Variants in NFASC observed in about 807,000 individuals in gnomAD.
The protein encoded by NFASC is neurofascin.
NFASC carries 43 observed loss-of-function variants against 147.5 expected under a neutral mutation model. That is an observed-to-expected ratio of 0.29 (90% CI 0.23 to 0.38). The LOEUF is 0.38. Ranked by LOEUF, NFASC falls within the 10% of genes least tolerant of loss-of-function variation. The pLI, the probability that NFASC is intolerant of heterozygous loss-of-function variation, is 1.00. For synonymous variants in NFASC, 622 were observed against 665.5 expected, an observed-to-expected ratio of 0.93 and a Z score of 1.01; for missense variants, 1,320 against 1,689.0, an observed-to-expected ratio of 0.78 and a Z score of 3.83.
At chr1:204,907,587 T>C (rs189531481) in intron 1 of NFASC, among the ~76,000 whole-genome samples, 23 of 152,350 alleles carry the variant, frequency 1.5e-4, no homozygotes, top group African/African-American at 4.6e-4. Flanking sequence ...GCTCTCTGCA[T>C]TGCTTACTGT....
At position 204,863,950 on chromosome 1, in the gene NFASC, GAGAA is replaced by G. The variant is rs199543990; in HGVS notation, c.-200+35180_-200+35183del. On this transcript the variant is annotated intron_variant, in intron 1 of 29. Coordinates refer to ENST00000339876, the MANE Select transcript of NFASC (RefSeq NM_001005388.3). Reference sequence around the variant, plus strand: ...GGAGGAAGAAAGAGAGAGAGAAAGAGAGAAAGAAAGAAAGAGAAAGAAAAGAAAG... The same window carrying G: ...GGAGGAAGAAAGAGAGAGAGAAAGAGAGAAAGAAAGAGAAAGAAAAGAAAG... 4.4e-3 allele frequency among the ~76,000 whole-genome samples: 655 copies of G among 150,062 alleles called. 6 individuals carry two copies. The highest frequency in any genetic ancestry group is 0.038 in the East Asian group (193 of 5,122).
At chr1:204,930,413 A>G (rs891853417) in intron 2 of NFASC, among the ~76,000 whole-genome samples, 2 of 152,186 alleles carry the variant, frequency 1.3e-5, no homozygotes, top group African/African-American at 2.4e-5. Flanking sequence ...ATCCCGTGTT[A>G]TAGCAACCAA....
At chr1:204,843,626 TCCTCCCTCCCTCCCTC>T (rs796875779) in intron 1 of NFASC, among the ~76,000 whole-genome samples, 1 of 78,074 alleles carries the variant, frequency 1.3e-5, no homozygotes, top group Non-Finnish European at 2.5e-5. Flanking sequence ...CTTCCTTCCT[TCCTCCCTCCCTCCCTC>T]CCTCCCTCCC....
chr1:205,008,017 C>T (rs2096164861), intron 27 of NFASC, among the ~76,000 whole-genome samples: 1 of 152,182 alleles, frequency 6.6e-6, no homozygotes, highest in Non-Finnish European at 1.5e-5. Flanking sequence ...ACTCACAAGC[C>T]TTGTTCTCGC....
Position 204,984,774 on chromosome 1 carries a change from C to G in NFASC, c.2471-2644C>G, listed in dbSNP as rs138199396. On this transcript the variant is annotated intron_variant, in intron 21 of 29. Transcript: ENST00000339876. ...GAGCAGTTTCTGCTCTATCATCCAT[C>G]CTCTTCAAAAGGGTGAGCTCAGATG... Among the ~76,000 whole-genome samples the G allele has an allele frequency of 8.0e-4, 122 of 152,248 alleles. No homozygotes were observed. The Middle Eastern group carries it at 0.014, about 17-fold the overall frequency.
intron 1 of NFASC, among the ~76,000 whole-genome samples, chr1:204,891,430 A>G (rs1307113605): frequency 1.3e-5 from 2 of 152,160 alleles, no homozygotes; most frequent in African/African-American, 2.4e-5. Context: ...TGGGTTGCAC[A>G]TGCCTGGGAT....
At chr1:204,843,877 A>ATTTTTTTTTTTTTGT (rs1285179322) in intron 1 of NFASC, among the ~76,000 whole-genome samples, 3 of 151,936 alleles carry the variant, frequency 2.0e-5, no homozygotes, top group African/African-American at 7.3e-5. Context: ...ATGCCCAGCT[A>ATTTTTTTTTTTTTGT]ATTTTGTATT....
chr1:204,975,246 G>A lies in NFASC; in HGVS notation c.1559-25G>A. 6.3e-7 allele frequency: 1 copy of A among 1,592,536 alleles called. No individual in the cohort carries two copies. Among genetic ancestry groups the A allele is most frequent in the Non-Finnish European group, 8.6e-7 (1 of 1,166,494 alleles). ...ATGCTGGGCAGAGAACAGGCCAGTG[G>A]CGAGTGCTCTGGGCTTCTCCACAGA... On this transcript the variant is annotated intron_variant, in intron 14 of 29. Coordinates refer to ENST00000339876, the MANE Select transcript of NFASC (RefSeq NM_001005388.3). The surrounding 1 kb of genome is among the most constrained non-coding windows in gnomAD (Gnocchi z 4.0).
intron 24 of NFASC, among the ~76,000 whole-genome samples, chr1:204,996,632 C>T (rs533706229): frequency 1.2e-4 from 19 of 152,144 alleles, no homozygotes; most frequent in South Asian, 8.3e-4. Flanking sequence ...TCTCTGTCAT[C>T]GGGTTTGGGT....
intron 1 of NFASC, among the ~76,000 whole-genome samples, chr1:204,848,167 C>T (rs1053647026): frequency 1.3e-5 from 2 of 152,210 alleles, no homozygotes; most frequent in Middle Eastern, 6.3e-3. Flanking sequence ...GACACTGCCT[C>T]TTAGCAGGTG....
chr1:204,946,033 C>T (rs1402812145), intron 3 of NFASC, among the ~76,000 whole-genome samples: 4 of 152,134 alleles, frequency 2.6e-5, no homozygotes, highest in East Asian at 1.9e-4. Flanking sequence ...CTACAGGAAA[C>T]GGAGACACAG....
At chr1:204,925,960 C>G (rs2091420937) in intron 2 of NFASC, among the ~76,000 whole-genome samples, 1 of 152,176 alleles carries the variant, frequency 6.6e-6, no homozygotes, top group South Asian at 2.1e-4. Flanking sequence ...CTTGGGAAAG[C>G]TGCTCAGGGA....
At position 204,973,871 on chromosome 1, in the gene NFASC, T is replaced by C. The variant is rs540110275; in HGVS notation, c.1280-308T>C. Among the ~76,000 whole-genome samples, 149 of 152,112 alleles carry C rather than the reference T, an allele frequency of 9.8e-4. 1 individual carries two copies. The highest frequency in any genetic ancestry group is 3.6e-3 in the African/African-American group (148 of 41,476). On this transcript the variant is annotated intron_variant, in intron 12 of 29. Transcript: ENST00000339876. The stretch of plus-strand genomic sequence containing the variant: ...TACCCGCTGGGCAGGGAGATGGTGG[T>C]GGAGGGGTAGCTAGGAAATGCCTTA...
At chr1:204,869,811 T>C (rs1430031449) in intron 1 of NFASC, among the ~76,000 whole-genome samples, 1 of 152,212 alleles carries the variant, frequency 6.6e-6, no homozygotes, top group Non-Finnish European at 1.5e-5. Context: ...GGGCGTGCCA[T>C]AGTTTGTTTA....
In NFASC at chr1:204,986,228, G is replaced by C. The variant is rs2095612425; in HGVS notation, c.2471-1190G>C. 1.3e-6 allele frequency: 1 copy of C among 746,332 alleles called. No individual in the cohort carries two copies. Among genetic ancestry groups the C allele is most frequent in the African/African-American group, 1.7e-5 (1 of 57,856 alleles). 46.2% of individuals were successfully genotyped at this position (746,332 alleles called of 1,614,324 possible). ...GGATGGCACAAGGTGACTTCTGCGA[G>C]GCCTCCAGGAGCGGATGACCTGCAA... is the stretch of plus-strand genomic sequence containing the variant. On this transcript the variant is annotated intron_variant, in intron 21 of 29. Transcript: ENST00000339876. The surrounding 1 kb of genome is among the most constrained non-coding windows in gnomAD (Gnocchi z 4.2).
At chr1:204,962,092 C>A in intron 8 of NFASC, 1 of 1,610,932 alleles carries the variant, frequency 6.2e-7, no homozygotes, top group South Asian at 1.1e-5. Flanking sequence ...TGCTCACCCT[C>A]TTTTGTTTGT....
At position 204,991,302 on chromosome 1, in the gene NFASC, C is replaced by T. The variant is rs766315830; in HGVS notation, c.2778C>T (p.Thr926=). Reference sequence around the variant, plus strand: ...CGCTGTGTTCTGAAGCTACTCCAACCGCAGGTACCGTACCAGCCGCGGAGG... The same window carrying T: ...CGCTGTGTTCTGAAGCTACTCCAACTGCAGGTACCGTACCAGCCGCGGAGG... The part of the protein sequence containing the change: ...SPAPPNEATP[T]AAPPTLPPTT... Residue 926 remains threonine (T), a synonymous_variant, in exon 24 of 30, where the codon ACC becomes ACT. Transcript: ENST00000339876. 7 of 1,612,662 alleles carry T rather than the reference C, an allele frequency of 4.3e-6. No homozygotes were observed. In the African/African-American group the frequency reaches 5.3e-5, roughly 12 times the overall value.
intron 1 of NFASC, among the ~76,000 whole-genome samples, chr1:204,912,172 G>A (rs1310806550): frequency 1.3e-5 from 2 of 151,434 alleles, no homozygotes; most frequent in African/African-American, 2.4e-5. Context: ...CTTGCTTTTA[G>A]GTTTTGGGGT....
chr1:204,973,142 C>G, intron 11 of NFASC, 134 bp from the exon 12 acceptor site: 1 of 865,788 alleles, frequency 1.2e-6, no homozygotes, highest in East Asian at 2.4e-5. Context: ...AGGCCAGAAG[C>G]CCTGTCATCT....
Sources: gnomAD v4.1 joint callset for allele counts (sites outside exome capture counted in the v4.1 genomes callset) on GRCh38, gnomAD v4.1.1 for gene constraint, Gnocchi (gnomAD v3.1) non-coding constraint, MANE v1.5 for transcripts, NCBI Gene and HGNC (gene_info 2026-07-23, HGNC 2026-07-21) for gene names.